The following DHX15 variants were observed in gnomAD, a reference collection of about 807,000 sequenced individuals.
The protein encoded by DHX15 is ATP-dependent RNA helicase DHX15.
A neutral mutation model predicts 94.4 loss-of-function variants in DHX15; 11 were observed. That is an observed-to-expected ratio of 0.12 (90% CI 0.07 to 0.19). DHX15 has a LOEUF of 0.19. DHX15 is among the 10% of genes least tolerant of loss of function. The probability of loss-of-function intolerance (pLI) is 1.00; values close to 1 mark genes in which losing one functional copy is unlikely to be tolerated. For missense variants in DHX15, 304 were observed against 988.5 expected (o/e 0.31, Z 9.29); for synonymous variants, 338 against 329.9 (o/e 1.02, Z -0.27).
At chr4:24,528,505 C>T (rs1296753190) in intron 13 of DHX15, among the ~76,000 whole-genome samples, 1 of 152,112 alleles carries the variant, frequency 6.6e-6, no homozygotes, top group East Asian at 1.9e-4. Flanking sequence ...TAAAGTTTAG[C>T]TATATAATTT....
At chr4:24,563,711 C>T (rs146316562) in intron 3 of DHX15, among the ~76,000 whole-genome samples, 37 of 152,134 alleles carry the variant, frequency 2.4e-4, no homozygotes, top group African/African-American at 8.4e-4. Context: ...AAAAGTAGAC[C>T]GTAAATCCTT....
At chr4:24,530,852 C>T (rs1721069415) in intron 12 of DHX15, 2 of 152,140 alleles carry the variant, frequency 1.3e-5, no homozygotes, top group Non-Finnish European at 2.9e-5. Context: ...GAAATATTTA[C>T]TAAACACCTA....
At chr4:24,546,878 G>T (rs1041472020) in intron 6 of DHX15, among the ~76,000 whole-genome samples, 3 of 152,172 alleles carry the variant, frequency 2.0e-5, no homozygotes, top group Non-Finnish European at 4.4e-5. Context: ...CTTTATGCTA[G>T]CTACTATCCT....
intron 6 of DHX15, among the ~76,000 whole-genome samples, chr4:24,547,937 A>ATCTATATGTATC (rs1560765929): frequency 5.9e-5 from 2 of 34,018 alleles, no homozygotes; most frequent in Admixed American, 5.0e-4. Flanking sequence ...ATATATATAT[A>ATCTATATGTATC]TATATCTATA....
rs1469563372 is a variant in DHX15 at position 24,527,494 on chromosome 4, T to C, written c.*430A>G. On this transcript the variant is annotated 3_prime_UTR_variant, in exon 14 of 14. Coordinates refer to ENST00000336812, the MANE Select transcript of DHX15 (RefSeq NM_001358.3). Reference sequence around the variant, plus strand: ...CCAAAATTAGTATAAATAGACTTTATTGAAGTCAGTGCCTCTGTACTGAGA... The same window carrying C: ...CCAAAATTAGTATAAATAGACTTTACTGAAGTCAGTGCCTCTGTACTGAGA... 6.5e-6 allele frequency: 1 copy of C among 154,330 alleles called. No individual in the cohort carries two copies. The highest frequency in any genetic ancestry group is 2.4e-5 in the African/African-American group (1 of 41,494). The allele number at this position is 154,330 out of a possible 1,614,324, so 9.6% of individuals were successfully genotyped here.
rs372466605 is a variant in DHX15 at position 24,540,132 on chromosome 4, G to T, written c.1762C>A (p.Leu588Ile). The part of the protein sequence containing the change: ...SCDYNCSNEV[L>I]SITAMLSVPQ... ...CCTGACAACATAGCAGTAATAGATA[G>T]GACCTCATTAGAACAGTTGTAGTCA... Residue 588 changes from leucine (L) to isoleucine (I), a missense_variant, in exon 10 of 14, where the codon CTA becomes ATA. By Grantham distance (5) the Leu-to-Ile change is conservative (BLOSUM62 2). This residue lies in a region of DHX15 where 14 missense variants were observed against 24.5 expected (regional missense o/e 0.57). Coordinates refer to ENST00000336812, the MANE Select transcript of DHX15 (RefSeq NM_001358.3). 6.2e-7 allele frequency: 1 copy of T among 1,606,550 alleles called. No individual in the cohort carries two copies. Among genetic ancestry groups the T allele is most frequent in the Admixed American group, 1.7e-5 (1 of 59,332 alleles).
intron 3 of DHX15, among the ~76,000 whole-genome samples, chr4:24,566,290 C>T (rs1341809872): frequency 3.3e-5 from 5 of 152,094 alleles, no homozygotes. Flanking sequence ...CCTGCCTCAG[C>T]CTCCCAAAGT....
At chr4:24,571,020 C>G (rs1577349165) in intron 2 of DHX15, among the ~76,000 whole-genome samples, 173 bp from the exon 3 acceptor site, 1 of 152,156 alleles carries the variant, frequency 6.6e-6, no homozygotes, top group Non-Finnish European at 1.5e-5. Flanking sequence ...AACCAAGGAA[C>G]AGTTATGTGT....
At position 24,573,448 on chromosome 4, in the gene DHX15, T is replaced by G. The variant is rs79726472; in HGVS notation, c.508-2601A>C. 5.1e-3 allele frequency among the ~76,000 whole-genome samples: 784 copies of G among 152,260 alleles called. 3 individuals are homozygous for G. The highest frequency in any genetic ancestry group is 0.018 in the African/African-American group (730 of 41,552). On this transcript the variant is annotated intron_variant, in intron 2 of 13. Coordinates refer to ENST00000336812, the MANE Select transcript of DHX15 (RefSeq NM_001358.3). ...TAGTTGGTATCCCAAATTCACACAT[T>G]CAAAAGCAAAGCCATTTCTCACCTT...
At chr4:24,535,346 C>T (rs1721171375) in intron 11 of DHX15, among the ~76,000 whole-genome samples, 1 of 152,188 alleles carries the variant, frequency 6.6e-6, no homozygotes. Context: ...TAACTTACTA[C>T]ATCCCCTCTG....
Position 24,554,034 on chromosome 4 carries a change from C to T in DHX15, c.1080+691G>A, listed in dbSNP as rs546766066. Among the ~76,000 whole-genome samples the T allele has an allele frequency of 3.3e-5, 5 of 151,768 alleles. No individual in the cohort carries two copies. In the South Asian group the frequency reaches 1.0e-3, roughly 32 times the overall value. On this transcript the variant is annotated intron_variant, in intron 5 of 13. Coordinates refer to ENST00000336812, the MANE Select transcript of DHX15 (RefSeq NM_001358.3). Reference sequence around the variant, plus strand: ...GAGATTGAGACCATCCTGGCTAAAACGGTGAAACCCTGTCTCTACTAAAAA... The same window carrying T: ...GAGATTGAGACCATCCTGGCTAAAATGGTGAAACCCTGTCTCTACTAAAAA...
chr4:24,560,245 T>G (rs773487079), intron 3 of DHX15, among the ~76,000 whole-genome samples: 2 of 151,652 alleles, frequency 1.3e-5, no homozygotes, highest in Non-Finnish European at 2.9e-5. Context: ...ATATATTTTA[T>G]GAAACATTCC....
intron 6 of DHX15, among the ~76,000 whole-genome samples, chr4:24,547,903 GTATATATATATATATATATATATATA>G (rs869194543): frequency 7.1e-5 from 5 of 70,754 alleles, no homozygotes; most frequent in Non-Finnish European, 1.4e-4. Context: ...GTATGTATGT[GTATATATATATATATATATATATATA>G]TATATATATA....
At position 24,541,879 on chromosome 4, in the gene DHX15, T is replaced by C. The variant is rs770909317; in HGVS notation, c.1479A>G (p.Glu493=). 3.1e-6 allele frequency: 5 copies of C among 1,591,280 alleles called. No individual in the cohort carries two copies. The highest frequency in any genetic ancestry group is 4.3e-6 in the Non-Finnish European group (5 of 1,164,912). ...RLYTEKAYKT[E]MQDNTYPEIL... ...AAACGACAATACCCCATACCTGCAT[T>C]TCTGTTTTATAAGCTTTCTCTGTGT... is the stretch of plus-strand genomic sequence containing the variant. Residue 493 remains glutamate (E), a synonymous_variant, in exon 8 of 14, where the codon GAA becomes GAG. Coordinates refer to ENST00000336812, the MANE Select transcript of DHX15 (RefSeq NM_001358.3).
At chr4:24,583,571 G>C (rs1279148537) in intron 1 of DHX15, among the ~76,000 whole-genome samples, 2 of 152,176 alleles carry the variant, frequency 1.3e-5, no homozygotes, top group East Asian at 3.9e-4. Flanking sequence ...CGGGAGCGTA[G>C]GCAGAGAGCG....
At chr4:24,554,644 A>T in intron 5 of DHX15, 81 bp downstream of exon 5, 2 of 1,042,536 alleles carry the variant, frequency 1.9e-6, no homozygotes, top group Non-Finnish European at 2.8e-6. Flanking sequence ...AAATATGATT[A>T]ACATGTTCTT....
In DHX15 at chr4:24,547,917, A is replaced by ATC. The variant is rs1560765786; in HGVS notation, c.1248+937_1248+938insGA. On this transcript the variant is annotated intron_variant, in intron 6 of 13. Coordinates refer to ENST00000336812, the MANE Select transcript of DHX15 (RefSeq NM_001358.3). The stretch of plus-strand genomic sequence containing the variant: ...TGTATGTATGTGTATATATATATAT[A>ATC]TATATATATATATATATATATATAT... Among the ~76,000 whole-genome samples, 21 of 34,712 alleles carry ATC rather than the reference A, an allele frequency of 6.0e-4. 1 individual carries two copies. In the East Asian group the frequency reaches 9.4e-3, roughly 15 times the overall value. The allele number at this position is 34,712 out of a possible 152,430, so 22.8% of individuals were successfully genotyped here. A position where few individuals can be genotyped will look rare whatever the true frequency, so the allele number is the denominator to read the frequency against.
At chr4:24,553,169 C>T (rs1721649208) in intron 5 of DHX15, among the ~76,000 whole-genome samples, 1 of 151,746 alleles carries the variant, frequency 6.6e-6, no homozygotes, top group Non-Finnish European at 1.5e-5. Flanking sequence ...CCAAAAATAC[C>T]AATTAGTTGG....
In DHX15 at chr4:24,566,844, A is replaced by C. The variant is rs537302803; in HGVS notation, c.701+3810T>G. Among the ~76,000 whole-genome samples, 5 of 152,288 alleles carry C rather than the reference A, an allele frequency of 3.3e-5. No individual in the cohort carries two copies. The South Asian group carries it at 1.0e-3, about 32-fold the overall frequency. ...GACTCTATCTCAAAAATAAATAAATAAATCCAACATCTTCCCACCTAAACT... is the reference window on the plus strand; with the variant it reads ...GACTCTATCTCAAAAATAAATAAATCAATCCAACATCTTCCCACCTAAACT... On this transcript the variant is annotated intron_variant, in intron 3 of 13. Transcript: ENST00000336812.
Sources: gnomAD v4.1 joint callset for allele counts (sites outside exome capture counted in the v4.1 genomes callset) on GRCh38, gnomAD v4.1.1 for gene constraint, gnomAD v4.1.1 regional missense constraint, MANE v1.5 for transcripts, NCBI Gene and HGNC (gene_info 2026-07-23, HGNC 2026-07-21) for gene names.